PEX11B: variants seen among roughly 807,000 people sequenced by gnomAD.
PEX11B encodes the protein peroxisomal biogenesis factor 11 beta, also known as peroxisomal membrane protein 11B.
Under a neutral mutation model 28.2 loss-of-function variants are expected in PEX11B, and 18 were observed. The ratio of observed to expected loss-of-function variants is 0.64; its 90% CI spans 0.44 to 0.95. The LOEUF (loss-of-function observed/expected upper bound fraction) is 0.95, where lower values mean the gene tolerates loss of function less well. Ranked by LOEUF, PEX11B falls within the 40% of genes least tolerant of loss-of-function variation. PEX11B has a pLI of 0.00. For synonymous variants in PEX11B, 128 were observed against 128.7 expected (o/e 0.99, Z 0.04); for missense variants, 305 against 319.8 (o/e 0.95, Z 0.35).
chr1:145,911,966 A>T lies in PEX11B; in HGVS notation c.*195T>A, dbSNP rs1657811970. The T allele has an allele frequency of 2.3e-6, 1 of 438,642 alleles. No homozygotes were observed. Among genetic ancestry groups the T allele is most frequent in the African/African-American group, 2.0e-5 (1 of 49,588 alleles). The allele number at this position is 438,642 out of a possible 1,614,324, so 27.2% of individuals were successfully genotyped here. A position where few individuals can be genotyped will look rare whatever the true frequency, so the allele number is the denominator to read the frequency against. ...AGAACAGAAGCTCAGGCACATCTAG[A>T]AATTAGAGACATCCTATTAACTTCA... is the stretch of plus-strand genomic sequence containing the variant. On this transcript the variant is annotated 3_prime_UTR_variant, in exon 4 of 4. Transcript: ENST00000369306.
Position 145,918,663 on chromosome 1 carries a change from G to A in PEX11B, c.26C>T (p.Ala9Val), listed in dbSNP as rs781914787. Residue 9 changes from alanine to valine, a missense_variant, in exon 1 of 4, where the codon GCT becomes GTT. Physicochemically the swap from Ala to Val is moderately conservative, Grantham distance 64. Coordinates refer to ENST00000369306, the MANE Select transcript of PEX11B (RefSeq NM_003846.3). ...CAGCCGCTCCCGGGCTTGGCTCTGAGCACTGAAGCGGACCCAGGCGTCCAT... is the reference window on the plus strand; with the variant it reads ...CAGCCGCTCCCGGGCTTGGCTCTGAACACTGAAGCGGACCCAGGCGTCCAT... MDAWVRFS[A>V]QSQARERLCR... is the part of the protein sequence containing the mutation. 2.5e-6 allele frequency: 4 copies of A among 1,590,508 alleles called. No individual in the cohort carries two copies. Among genetic ancestry groups the A allele is most frequent in the Non-Finnish European group, 3.4e-6 (4 of 1,169,852 alleles).
chr1:145,913,393 G>T (rs1290125248), intron 3 of PEX11B, among the ~76,000 whole-genome samples: 1 of 152,122 alleles, frequency 6.6e-6, no homozygotes, highest in East Asian at 1.9e-4. Context: ...CAACGTACAT[G>T]TACAAACATC....
Position 145,912,041 on chromosome 1 carries a change from T to C in PEX11B, c.*120A>G. On this transcript the variant is annotated 3_prime_UTR_variant, in exon 4 of 4. Transcript: ENST00000369306. ...TTCCCCAAAGCTCTTCCTCCACCCC[T>C]AAATCTCTGAATTTCTAACTTTAAC... The C allele has an allele frequency of 1.3e-6, 1 of 781,478 alleles. No individual in the cohort carries two copies. The allele number at this position is 781,478 out of a possible 1,614,324, so 48.4% of individuals were successfully genotyped here.
At position 145,912,253 on chromosome 1, in the gene PEX11B, A is replaced by T. The variant is rs1553753203; in HGVS notation, c.688T>A (p.Cys230Ser). 3 of 1,614,086 alleles carry T rather than the reference A, an allele frequency of 1.9e-6. No individual in the cohort carries two copies. Among genetic ancestry groups the T allele is most frequent in the Non-Finnish European group, 2.5e-6 (3 of 1,179,966 alleles). ...CAAAGCCCCACAATCCCAGGGCCAC[A>T]GCGCCAGAGGCCTAGTTTGTCCAGA... ...IPLDKLGLWRCGPGIVGLCGL... is the reference protein window; with the variant it reads ...IPLDKLGLWRSGPGIVGLCGL... Residue 230 changes from cysteine to serine, a missense_variant, in exon 4 of 4, where the codon TGT becomes AGT. Coordinates refer to ENST00000369306, the MANE Select transcript of PEX11B (RefSeq NM_003846.3).
intron 1 of PEX11B, chr1:145,918,430 G>T (rs1553754295): frequency 1.3e-6 from 2 of 1,536,174 alleles, no homozygotes; most frequent in Admixed American, 2.0e-5. Context: ...GCCCACTCAT[G>T]CCTCAGTTTC....
At chr1:145,912,683 A>G (rs1553753350) in intron 3 of PEX11B, 117 bp from the exon 4 acceptor site, 3 of 665,770 alleles carry the variant, frequency 4.5e-6, no homozygotes, top group Non-Finnish European at 7.2e-6. Context: ...GATCAGAAGT[A>G]AAGTGAATGC....
chr1:145,912,669 A>G (rs1365821956), intron 3 of PEX11B, 103 bp from the exon 4 acceptor site: 14 of 772,042 alleles, frequency 1.8e-5, no homozygotes, highest in Non-Finnish European at 2.2e-5. Flanking sequence ...GAGATTACAC[A>G]TTAGATCAGA....
At chr1:145,917,259 C>T (rs1647437855) in intron 2 of PEX11B, among the ~76,000 whole-genome samples, 2 of 151,984 alleles carry the variant, frequency 1.3e-5, no homozygotes, top group Admixed American at 6.6e-5. Flanking sequence ...GGTGTAACCC[C>T]ATCTCTACTA....
chr1:145,918,329 C>T (rs1647529150), intron 1 of PEX11B: 3 of 1,508,924 alleles, frequency 2.0e-6, no homozygotes, highest in African/African-American at 1.4e-5. Context: ...GGCTATCCAC[C>T]GTGGGGCGAA....
rs587608404 is a variant in PEX11B, at chr1:145,918,279, A to G, written c.56+354T>C. The G allele has an allele frequency of 2.6e-5, 26 of 985,426 alleles. No homozygotes were observed. The African/African-American group carries it at 4.5e-4, about 17-fold the overall frequency. 61.0% of individuals were successfully genotyped at this position (985,426 alleles called of 1,614,324 possible). A position where few individuals can be genotyped will look rare whatever the true frequency, so the allele number is the denominator to read the frequency against. ...ATGGCAGCACGGTGTGGGGACACGG[A>G]AACTGGGAGTGCCTCCTCAGCTCTG... On this transcript the variant is annotated intron_variant, in intron 1 of 3. Transcript: ENST00000369306.
rs1403481615 is a variant in PEX11B, at chr1:145,911,962, C to A, written c.*199G>T. 1.2e-5 allele frequency: 5 copies of A among 432,576 alleles called. No individual in the cohort carries two copies. Among genetic ancestry groups the A allele is most frequent in the African/African-American group, 4.0e-5 (2 of 49,458 alleles). 26.8% of individuals were successfully genotyped at this position (432,576 alleles called of 1,614,324 possible). A position where few individuals can be genotyped will look rare whatever the true frequency, so the allele number is the denominator to read the frequency against. The stretch of plus-strand genomic sequence containing the variant: ...GAAAAGAACAGAAGCTCAGGCACAT[C>A]TAGAAATTAGAGACATCCTATTAAC... On this transcript the variant is annotated 3_prime_UTR_variant, in exon 4 of 4. Transcript: ENST00000369306.
intron 3 of PEX11B, among the ~76,000 whole-genome samples, chr1:145,915,761 G>A (rs1417778218): frequency 1.3e-5 from 2 of 151,498 alleles, no homozygotes; most frequent in Admixed American, 6.6e-5. Context: ...AGCCTCCCGA[G>A]TAGCTGGGAT....
rs1553753995 is a variant in PEX11B at position 145,916,923 on chromosome 1, G to T, written c.268C>A (p.His90Asn). The T allele has an allele frequency of 6.2e-7, 1 of 1,613,530 alleles. No individual in the cohort carries two copies. The highest frequency in any genetic ancestry group is 8.5e-7 in the Non-Finnish European group (1 of 1,179,452). The change falls in exon 3 of 4, where the codon CAC becomes AAC. Residue 90 changes from histidine to asparagine, a missense_variant. Transcript: ENST00000369306. Reference sequence around the variant, plus strand: ...GCGAAGTACAAGGCTCGATTGAGGTGACTAACAGTGATGCAGAATCTCAGG... The same window carrying T: ...GCGAAGTACAAGGCTCGATTGAGGTTACTAACAGTGATGCAGAATCTCAGG... The part of the protein sequence containing the change: ...VVLRFCITVS[H>N]LNRALYFACD...
chr1:145,917,123 G>T, intron 2 of PEX11B, 105 bp from the exon 3 acceptor site: 1 of 776,250 alleles, frequency 1.3e-6, no homozygotes. Context: ...CAATAATAAT[G>T]ACAATTTTTT....
rs587671274 is a variant in PEX11B at position 145,914,057 on chromosome 1, C to T, written c.375-1491G>A. On this transcript the variant is annotated intron_variant, in intron 3 of 3. Transcript: ENST00000369306. ...TATAATAGCTAGCATAAACATAAAT[C>T]ACATCATTACTTCCCTTCTTAAAAC... 2.0e-5 allele frequency among the ~76,000 whole-genome samples: 3 copies of T among 152,278 alleles called. No homozygotes were observed. In the East Asian group the frequency reaches 5.8e-4, roughly 29 times the overall value.
chr1:145,912,196 TG>T lies in PEX11B; in HGVS notation c.744del (p.Thr249ProfsTer2). 6.2e-7 allele frequency: 1 copy of T among 1,611,866 alleles called. No individual in the cohort carries two copies. ...CGLVSSILSI[L>X]TLIYPWLRLK... ...AGTCGTAGCCAGGGATAGATTAGGG[TG>T]AGAATAGACAGGATGGAGGACACGA... is the stretch of plus-strand genomic sequence containing the variant. On this transcript the variant is annotated frameshift_variant, in exon 4 of 4. Coordinates refer to ENST00000369306, the MANE Select transcript of PEX11B (RefSeq NM_003846.3). LOFTEE classifies it high-confidence loss of function.
chr1:145,912,427 C>G lies in PEX11B; in HGVS notation c.514G>C (p.Gly172Arg), dbSNP rs587764244. ...CCTGGAGTCCCTGGTCCCCCAAGTC[C>G]CCCAGTTTCACTTCCTCCTGGGACT... ...GGVPGGSETG[G>R]LGGPGTPGGG... Residue 172 changes from glycine to arginine, a missense_variant, in exon 4 of 4, where the codon GGA becomes CGA. By Grantham distance (125) the Gly-to-Arg change is moderately radical. Coordinates refer to ENST00000369306, the MANE Select transcript of PEX11B (RefSeq NM_003846.3). The G allele has an allele frequency of 1.3e-6, 2 of 1,575,348 alleles. No homozygotes were observed. Among genetic ancestry groups the G allele is most frequent in the African/African-American group, 2.7e-5 (2 of 73,710 alleles).
At chr1:145,916,403 C>T (rs963328348) in intron 3 of PEX11B, among the ~76,000 whole-genome samples, 2 of 152,248 alleles carry the variant, frequency 1.3e-5, no homozygotes, top group Admixed American at 6.5e-5. Context: ...AGAAGTTATT[C>T]ATTGTAGTAT....
rs587636847 is a variant in PEX11B, at chr1:145,912,155, G to C, written c.*6C>G. On this transcript the variant is annotated 3_prime_UTR_variant, in exon 4 of 4. Coordinates refer to ENST00000369306, the MANE Select transcript of PEX11B (RefSeq NM_003846.3). ...TCAGGTCCCCTCCTTATCCTGTACC[G>C]GAAGGTCAGGGCTTGAGTCGTAGCC... 2 of 1,582,050 alleles carry C rather than the reference G, an allele frequency of 1.3e-6. No homozygotes were observed. The highest frequency in any genetic ancestry group is 4.5e-5 in the East Asian group (2 of 44,114).
Sources: allele counts gnomAD v4.1 joint callset (sites outside exome capture counted in the v4.1 genomes callset), GRCh38; gene constraint gnomAD v4.1.1; transcripts MANE v1.5; gene names NCBI Gene and HGNC (gene_info 2026-07-23, HGNC 2026-07-21).